The following ERC2 variants were observed in gnomAD, a reference collection of about 807,000 sequenced individuals.
The protein encoded by ERC2 is ERC protein 2.
A neutral mutation model predicts 114.8 loss-of-function variants in ERC2; 42 were observed. That is an observed-to-expected ratio of 0.37 (90% CI 0.29 to 0.47). ERC2 has a LOEUF of 0.47. ERC2 is among the 20% of genes least tolerant of loss of function. The pLI is 0.99. For missense variants in ERC2, 939 were observed against 1,150.7 expected (o/e 0.82, Z 2.66); for synonymous variants, 454 against 425.5 (o/e 1.07, Z -0.82).
chr3:55,828,452 G>A (rs1487378435), intron 14 of ERC2, among the ~76,000 whole-genome samples: 1 of 90,208 alleles, frequency 1.1e-5, no homozygotes, highest in Non-Finnish European at 2.0e-5. Context: ...AAGGCGGAGT[G>A]TAGCTGGCAG....
chr3:55,933,876 G>A (rs2066278040), intron 13 of ERC2, among the ~76,000 whole-genome samples: 1 of 152,162 alleles, frequency 6.6e-6, no homozygotes, highest in Non-Finnish European at 1.5e-5. Context: ...GACACCAAGT[G>A]AGCACAAAGA....
chr3:55,553,604 C>A (rs1480506884), intron 17 of ERC2, among the ~76,000 whole-genome samples: 1 of 151,940 alleles, frequency 6.6e-6, no homozygotes, highest in Non-Finnish European at 1.5e-5. Context: ...CATGGTGAAA[C>A]CCTGTCTCTA....
chr3:56,142,721 T>C (rs555996571), intron 5 of ERC2, among the ~76,000 whole-genome samples: 1 of 152,276 alleles, frequency 6.6e-6, no homozygotes, highest in East Asian at 1.9e-4. Context: ...ATTCCAACTT[T>C]TGAAGTCTTT....
intron 3 of ERC2, among the ~76,000 whole-genome samples, chr3:56,223,618 A>G (rs892543481): frequency 7.2e-5 from 11 of 151,820 alleles, no homozygotes; most frequent in Non-Finnish European, 1.5e-5. Flanking sequence ...TGCAATGTAT[A>G]TAACTCTCCC....
At chr3:56,179,600 A>G (rs548231800) in intron 3 of ERC2, among the ~76,000 whole-genome samples, 36 of 152,126 alleles carry the variant, frequency 2.4e-4, no homozygotes, top group Admixed American at 9.2e-4. Flanking sequence ...TTGAGTTTAG[A>G]TATGTTTTGA....
At chr3:55,599,837 C>T (rs573604105) in intron 17 of ERC2, among the ~76,000 whole-genome samples, 5 of 152,240 alleles carry the variant, frequency 3.3e-5, no homozygotes, top group South Asian at 2.1e-4. Context: ...GGATGAATAA[C>T]GCCTTGGACT....
At chr3:55,560,977 G>C (rs748597141) in intron 17 of ERC2, among the ~76,000 whole-genome samples, 2 of 151,846 alleles carry the variant, frequency 1.3e-5, no homozygotes, top group Non-Finnish European at 2.9e-5. Context: ...AACAAGACTC[G>C]GCCTTTTTGG....
In ERC2 at chr3:55,578,325, T is replaced by G. The variant is rs557602408; in HGVS notation, c.*40-67049A>C. Among the ~76,000 whole-genome samples, 13 of 152,230 alleles carry G rather than the reference T, an allele frequency of 8.5e-5. No individual in the cohort carries two copies. In the East Asian group the frequency reaches 2.5e-3, roughly 30 times the overall value. ...CTGGTCCCTGCGACTCTCCCAGACC[T>G]TTTCTCTTACCAGTCCCTAAAGCCC... is the stretch of plus-strand genomic sequence containing the variant. On this transcript the variant is annotated intron_variant, in intron 17 of 17. Coordinates refer to ENST00000288221, the MANE Select transcript of ERC2 (RefSeq NM_015576.3).
At chr3:55,994,223 G>C (rs984511544) in intron 10 of ERC2, among the ~76,000 whole-genome samples, 3 of 152,028 alleles carry the variant, frequency 2.0e-5, no homozygotes, top group African/African-American at 7.2e-5. Flanking sequence ...GTAATGAGCA[G>C]CTGGAAGCCC....
intron 2 of ERC2, among the ~76,000 whole-genome samples, chr3:56,308,876 G>A (rs2056382109): frequency 6.6e-6 from 1 of 152,008 alleles, no homozygotes; most frequent in South Asian, 2.1e-4. Flanking sequence ...TCTCTTTGCA[G>A]ACAACTTGGC....
At chr3:55,905,921 G>A (rs1408930005) in intron 13 of ERC2, among the ~76,000 whole-genome samples, 2 of 152,030 alleles carry the variant, frequency 1.3e-5, no homozygotes, top group African/African-American at 4.8e-5. Flanking sequence ...ACCTGTCCCT[G>A]GTATTCTTCA....
intron 2 of ERC2, among the ~76,000 whole-genome samples, chr3:56,303,638 G>A (rs2056040224): frequency 6.6e-6 from 1 of 152,222 alleles, no homozygotes; most frequent in African/African-American, 2.4e-5. Context: ...TTGTGGGAGA[G>A]AGCACTCTCT....
intron 13 of ERC2, among the ~76,000 whole-genome samples, chr3:55,930,924 A>T (rs185712273): frequency 5.6e-4 from 85 of 152,102 alleles, no homozygotes; most frequent in Non-Finnish European, 1.2e-4. Context: ...AAACAACCCC[A>T]ACAAAATGTG....
intron 14 of ERC2, among the ~76,000 whole-genome samples, chr3:55,845,503 C>CAAAAAAAAA (rs764740068): frequency 1.2e-4 from 8 of 64,028 alleles, no homozygotes; most frequent in Admixed American, 1.9e-4. Context: ...GACTCCGTCT[C>CAAAAAAAAA]AAAAAAAAAA....
intron 14 of ERC2, among the ~76,000 whole-genome samples, chr3:55,852,151 C>T (rs928261612): frequency 6.6e-6 from 1 of 151,958 alleles, no homozygotes; most frequent in Non-Finnish European, 1.5e-5. Flanking sequence ...ACCCGGGAGG[C>T]GGAGGTGGCA....
chr3:55,909,895 C>T (rs1409998496), intron 13 of ERC2, among the ~76,000 whole-genome samples: 1 of 152,118 alleles, frequency 6.6e-6, no homozygotes, highest in Non-Finnish European at 1.5e-5. Context: ...ATAAATTTGG[C>T]CAATGATAAT....
Position 56,213,442 on chromosome 3 carries a change from G to A in ERC2, c.1075-39922C>T, listed in dbSNP as rs898443288. Among the ~76,000 whole-genome samples the A allele has an allele frequency of 3.9e-5, 6 of 152,340 alleles. No homozygotes were observed. The East Asian group carries it at 1.2e-3, about 29-fold the overall frequency. On this transcript the variant is annotated intron_variant, in intron 3 of 17. Transcript: ENST00000288221. ...GCTAGCACAGCAGTCTGAGATCAAA[G>A]TGCAAGTGGGCAGAGAGGCTGGGGG...
intron 6 of ERC2, among the ~76,000 whole-genome samples, chr3:56,121,956 C>G (rs1445486257): frequency 6.6e-6 from 1 of 152,152 alleles, no homozygotes; most frequent in East Asian, 1.9e-4. Context: ...ACAGCTCAGC[C>G]CCACTCCAGG....
chr3:55,829,784 C>A (rs2060491254), intron 14 of ERC2, among the ~76,000 whole-genome samples: 1 of 152,154 alleles, frequency 6.6e-6, no homozygotes, highest in Non-Finnish European at 1.5e-5. Context: ...CTCAGCCTCC[C>A]AAAGTACTGA....
Sources: gnomAD v4.1 joint callset for allele counts (sites outside exome capture counted in the v4.1 genomes callset) on GRCh38, gnomAD v4.1.1 for gene constraint, MANE v1.5 for transcripts, NCBI Gene and HGNC (gene_info 2026-07-23, HGNC 2026-07-21) for gene names.